Variants in MAPT observed in about 807,000 individuals in gnomAD.
MAPT encodes microtubule-associated protein tau.
MAPT carries 34 observed loss-of-function variants against 67.9 expected under a neutral mutation model. That is an observed-to-expected ratio of 0.50 (90% CI 0.38 to 0.67). The LOEUF is 0.67. MAPT is among the 30% of genes least tolerant of loss of function. The pLI is 0.00. For synonymous variants in MAPT, 456 were observed against 464.5 expected, an observed-to-expected ratio of 0.98 and a Z score of 0.23; for missense variants, 881 against 1,115.2, an observed-to-expected ratio of 0.79 and a Z score of 2.99.
intron 8 of MAPT, among the ~76,000 whole-genome samples, chr17:45,993,483 G>A (rs2074235930): frequency 6.6e-6 from 1 of 152,028 alleles, no homozygotes; most frequent in South Asian, 2.1e-4. Context: ...GCACAATCTT[G>A]GCATACTGCA....
chr17:45,923,140 G>A (rs766656153), intron 1 of MAPT, among the ~76,000 whole-genome samples: 1 of 152,090 alleles, frequency 6.6e-6, no homozygotes, highest in Non-Finnish European at 1.5e-5. Flanking sequence ...GTGAAGATTC[G>A]GTAAGGTGGC....
chr17:46,012,405 T>C (rs757595465), intron 10 of MAPT, among the ~76,000 whole-genome samples: 112 of 152,254 alleles, frequency 7.4e-4, no homozygotes, highest in Non-Finnish European at 1.2e-3. Flanking sequence ...GTCTGCGGTC[T>C]AGCCTGTGAC....
intron 1 of MAPT, among the ~76,000 whole-genome samples, chr17:45,926,452 G>GTGCA (rs1367058960): frequency 3.3e-5 from 5 of 151,902 alleles, no homozygotes; most frequent in African/African-American, 1.2e-4. Context: ...GGGACCACAG[G>GTGCA]TGCATACCAC....
chr17:45,968,597 G>A (rs140941102), intron 2 of MAPT, among the ~76,000 whole-genome samples: 3 of 152,326 alleles, frequency 2.0e-5, no homozygotes, highest in East Asian at 1.9e-4. Flanking sequence ...TGACTACAAC[G>A]TGATGCTTGA....
intron 8 of MAPT, among the ~76,000 whole-genome samples, chr17:45,992,458 T>G (rs1433130883): frequency 2.0e-5 from 3 of 152,222 alleles, no homozygotes; most frequent in African/African-American, 7.2e-5. Flanking sequence ...GTTAGGAGTC[T>G]GCTGCAAAAC....
At chr17:45,987,797 T>C (rs1325922166) in intron 6 of MAPT, among the ~76,000 whole-genome samples, 3 of 152,148 alleles carry the variant, frequency 2.0e-5, no homozygotes, top group Non-Finnish European at 4.4e-5. Flanking sequence ...CAGCCTCATC[T>C]AGTGAGGCAG....
chr17:45,996,420 A>T lies in MAPT; in HGVS notation c.1754A>T (p.Asp585Val). ...CCAGGTGAACCTCCAAAATCAGGGGATCGCAGCGGCTACAGCAGCCCCGGC... is the reference window on the plus strand; with the variant it reads ...CCAGGTGAACCTCCAAAATCAGGGGTTCGCAGCGGCTACAGCAGCCCCGGC... ...PSSGEPPKSG[D>V]RSGYSSPGSP... The change falls in exon 9 of 13, where the codon GAT becomes GTT. Residue 585 changes from aspartate (D) to valine (V), a missense_variant. By Grantham distance (152) the Asp-to-Val change is radical. Around this residue, in one of 6 missense-constraint regions of MAPT, gnomAD observed 33 missense variants for 76.0 expected, o/e 0.43. Transcript: ENST00000262410. The surrounding 1 kb of genome is among the most constrained non-coding windows in gnomAD (Gnocchi z 4.5). 1 of 1,612,748 alleles carries T rather than the reference A, an allele frequency of 6.2e-7. No individual in the cohort carries two copies. The highest frequency in any genetic ancestry group is 8.5e-7 in the Non-Finnish European group (1 of 1,179,976).
At chr17:45,926,303 T>C (rs1173858934) in intron 1 of MAPT, among the ~76,000 whole-genome samples, 1 of 152,048 alleles carries the variant, frequency 6.6e-6, no homozygotes, top group Non-Finnish European at 1.5e-5. Flanking sequence ...TATTTATATA[T>C]TTATTTTATT....
chr17:45,901,863 TTGGGTTTACATTG>T (rs746228267), intron 1 of MAPT, among the ~76,000 whole-genome samples: 70 of 152,248 alleles, frequency 4.6e-4, no homozygotes, highest in Non-Finnish European at 8.2e-4. Flanking sequence ...AGTTTGGATT[TTGGGTTTACATTG>T]TGGAGTCATC....
At chr17:45,934,529 G>A (rs568168533) in intron 1 of MAPT, among the ~76,000 whole-genome samples, 4 of 152,080 alleles carry the variant, frequency 2.6e-5, no homozygotes, top group African/African-American at 9.7e-5. Flanking sequence ...TCAGCCATTT[G>A]GTTGAGAACG....
intron 1 of MAPT, among the ~76,000 whole-genome samples, chr17:45,932,594 CA>C (rs982542546): frequency 0.011 from 529 of 50,076 alleles, no homozygotes; most frequent in Middle Eastern, 0.062. Flanking sequence ...GACTCCATCT[CA>C]AAAAAAAAAA....
At chr17:45,916,655 T>C (rs35908989) in intron 1 of MAPT, among the ~76,000 whole-genome samples, 34,248 of 152,144 alleles carry the variant, frequency 0.23, 4,017 homozygotes, top group Middle Eastern at 0.4. Flanking sequence ...TTCTCCTCCC[T>C]GCAGGACCTC....
intron 1 of MAPT, chr17:45,898,638 A>G (rs2063422028): frequency 6.6e-6 from 1 of 152,202 alleles, no homozygotes; most frequent in African/African-American, 2.4e-5. Context: ...TATATGTACG[A>G]ACACGTGTTA....
chr17:45,956,563 TATATATATATATATATATATATATA>T (rs2069687962), intron 1 of MAPT, among the ~76,000 whole-genome samples: 1 of 1,186 alleles, frequency 8.4e-4, no homozygotes, highest in East Asian at 7.7e-3. Flanking sequence ...TATATATATA[TATATATATATATATATATATATATA>T]TATATATATA....
Position 46,010,371 on chromosome 17 carries a change from A to ATAAT in MAPT, c.2061_2064dup (p.Ile689Ter). ...GTCCAGTCCAAGTGTGGCTCAAAGG[A>ATAAT]TAATATCAAACACGTCCCGGGAGGC... On this transcript the variant is annotated frameshift_variant, in exon 10 of 13. Transcript: ENST00000262410. LOFTEE classifies it high-confidence loss of function. The surrounding 1 kb of genome is among the most constrained non-coding windows in gnomAD (Gnocchi z 4.7). 1 of 1,582,556 alleles carries ATAAT rather than the reference A, an allele frequency of 6.3e-7. No individual in the cohort carries two copies. Among genetic ancestry groups the ATAAT allele is most frequent in the Non-Finnish European group, 8.6e-7 (1 of 1,163,262 alleles).
intron 1 of MAPT, among the ~76,000 whole-genome samples, chr17:45,957,485 A>C (rs2069869633): frequency 6.6e-6 from 1 of 152,218 alleles, no homozygotes; most frequent in South Asian, 2.1e-4. Flanking sequence ...TCTCCTGTTC[A>C]TTCCCTGAAA....
intron 5 of MAPT, among the ~76,000 whole-genome samples, chr17:45,984,681 G>A (rs1035782998): frequency 5.3e-5 from 8 of 152,218 alleles, no homozygotes; most frequent in African/African-American, 1.9e-4. Context: ...CTCTGCAGAG[G>A]ACAAGGGGAT....
chr17:45,939,629 T>C (rs1007929570), intron 1 of MAPT, among the ~76,000 whole-genome samples: 1 of 152,228 alleles, frequency 6.6e-6, no homozygotes, highest in Non-Finnish European at 1.5e-5. Flanking sequence ...AATGGGCTTT[T>C]ACGAGGAGGT....
Position 45,962,446 on chromosome 17 carries a change from G to T in MAPT, c.109G>T (p.Gly37Cys). The T allele has an allele frequency of 6.2e-7, 1 of 1,612,846 alleles. No homozygotes were observed. ...GGYTMHQDQE[G>C]DTDAGLKESP... ...CTACACCATGCACCAAGACCAAGAG[G>T]GTGACACGGACGCTGGCCTGAAAGG... Residue 37 changes from glycine (G) to cysteine (C), a missense_variant, in exon 2 of 13, where the codon GGT becomes TGT. By Grantham distance (159) the Gly-to-Cys change is radical. This residue lies in a region of MAPT where 687 missense variants were observed against 766.1 expected (regional missense o/e 0.90). Transcript: ENST00000262410.
Sources: allele counts gnomAD v4.1 joint callset (sites outside exome capture counted in the v4.1 genomes callset), GRCh38; gene constraint gnomAD v4.1.1; regional missense constraint gnomAD v4.1.1; non-coding constraint Gnocchi (gnomAD v3.1); transcripts MANE v1.5; gene names NCBI Gene and HGNC (gene_info 2026-07-23, HGNC 2026-07-21).